CR1: variants seen among roughly 807,000 people sequenced by gnomAD.
The protein encoded by CR1 is complement receptor type 1.
Under a neutral mutation model 187.3 loss-of-function variants are expected in CR1, and 116 were observed. The observed-to-expected ratio is 0.62, with a 90% CI of 0.53 to 0.72. The LOEUF is 0.72. Ranked by LOEUF, CR1 falls within the 30% of genes least tolerant of loss-of-function variation. The probability of loss-of-function intolerance (pLI) is 0.00; values close to 1 mark genes in which losing one functional copy is unlikely to be tolerated. For missense variants in CR1, 1,731 were observed against 2,110.7 expected, an observed-to-expected ratio of 0.82 and a Z score of 3.52; for synonymous variants, 576 against 747.1, an observed-to-expected ratio of 0.77 and a Z score of 3.73.
chr1:207,634,756 CT>C (rs1434953271), intron 46 of CR1, among the ~76,000 whole-genome samples: 1 of 152,210 alleles, frequency 6.6e-6, no homozygotes, highest in African/African-American at 2.4e-5. Flanking sequence ...GCAGCTCATT[CT>C]TAACTGTAAG....
In CR1 at chr1:207,598,911, T is replaced by A. The variant is rs936731686; in HGVS notation, c.5811-8340T>A. The A allele has an allele frequency of 3.3e-5, 5 of 152,166 alleles. No individual in the cohort carries two copies. The East Asian group carries it at 9.7e-4, about 29-fold the overall frequency. The allele number at this position is 152,166 out of a possible 1,614,324, so 9.4% of individuals were successfully genotyped here. A position where few individuals can be genotyped will look rare whatever the true frequency, so the allele number is the denominator to read the frequency against. On this transcript the variant is annotated intron_variant, in intron 35 of 46. Coordinates refer to ENST00000367049, the MANE Select transcript of CR1 (RefSeq NM_000651.6). ...TGACCAAATACACAGCATCTTGGAGTTGGCCAGCATTAACTTGGATCATCT... is the reference window on the plus strand; with the variant it reads ...TGACCAAATACACAGCATCTTGGAGATGGCCAGCATTAACTTGGATCATCT...
chr1:207,509,648 A>G (rs1251423808), intron 3 of CR1, among the ~76,000 whole-genome samples: 2 of 152,202 alleles, frequency 1.3e-5, no homozygotes, highest in South Asian at 2.1e-4. Flanking sequence ...AAAAATGCCA[A>G]CTTAAGTTTG....
chr1:207,581,125 C>T (rs1042311412), intron 31 of CR1, among the ~76,000 whole-genome samples: 13 of 151,330 alleles, frequency 8.6e-5, no homozygotes, highest in African/African-American at 2.4e-4. Flanking sequence ...TGTATACATA[C>T]GTATACATAT....
At chr1:207,579,948 C>T (rs1660883728) in intron 29 of CR1, among the ~76,000 whole-genome samples, 1 of 152,198 alleles carries the variant, frequency 6.6e-6, no homozygotes, top group Non-Finnish European at 1.5e-5. Flanking sequence ...ATCTGTAAAA[C>T]AGATTTGGTC....
intron 1 of CR1, among the ~76,000 whole-genome samples, chr1:207,501,302 C>T (rs570440070): frequency 1.3e-5 from 2 of 152,252 alleles, no homozygotes; most frequent in Admixed American, 6.5e-5. Context: ...ATGATGGAAA[C>T]GTTTATTGTC....
intron 5 of CR1, 32 bp downstream of exon 5, chr1:207,524,041 C>T (rs1208701736): frequency 2.5e-6 from 4 of 1,611,676 alleles, no homozygotes; most frequent in Non-Finnish European, 2.5e-6. Flanking sequence ...AAGGGCCCTG[C>T]CAGTGACATG....
intron 3 of CR1, chr1:207,507,675 G>A (rs950770323): frequency 7.2e-5 from 11 of 152,166 alleles, no homozygotes; most frequent in African/African-American, 1.4e-4. Flanking sequence ...TTGCTGGTAG[G>A]AATGCAAAAT....
chr1:207,579,672 G>C (rs1042929511), intron 29 of CR1, among the ~76,000 whole-genome samples: 2 of 152,132 alleles, frequency 1.3e-5, no homozygotes, highest in Non-Finnish European at 2.9e-5. Flanking sequence ...AACTGAAATG[G>C]GTTTACAGCA....
In CR1 at chr1:207,505,962, A is replaced by C. The variant is rs4844600; in HGVS notation, c.180A>C (p.Glu60Asp). ...PFARPTNLTDEFEFPIGTYLN... is the reference protein window; with the variant it reads ...PFARPTNLTDDFEFPIGTYLN... ...CCAGGCCTACCAACCTAACTGATGA[A>C]TTTGAGTTTCCCATTGGGACATATC... Residue 60 changes from glutamate to aspartate, a missense_variant, in exon 2 of 47, where the codon GAA becomes GAC. This residue lies in a region of CR1 where 237 missense variants were observed against 240.4 expected (regional missense o/e 0.99). Coordinates refer to ENST00000367049, the MANE Select transcript of CR1 (RefSeq NM_000651.6). The C allele has an allele frequency of 6.3e-5, 102 of 1,613,772 alleles. No individual in the cohort carries two copies. Among genetic ancestry groups the C allele is most frequent in the African/African-American group, 1.9e-4 (14 of 74,920 alleles).
Position 207,565,906 on chromosome 1 carries a change from G to A in CR1, c.3935G>A (p.Ser1312Asn), listed in dbSNP as rs761027851. ...GGAATGGAAAGCCTTTGGAATAGCA[G>A]TGTTCCAGTGTGTGAACGTGAGTAA... ...LAGMESLWNSSVPVCEQIFCP... is the reference protein window; with the variant it reads ...LAGMESLWNSNVPVCEQIFCP... The change falls in exon 24 of 47, where the codon AGT becomes AAT. Residue 1312 changes from serine to asparagine, a missense_variant. By Grantham distance (46) the Ser-to-Asn change is conservative. Coordinates refer to ENST00000367049, the MANE Select transcript of CR1 (RefSeq NM_000651.6). 2 of 1,611,132 alleles carry A rather than the reference G, an allele frequency of 1.2e-6. No homozygotes were observed. The highest frequency in any genetic ancestry group is 1.1e-5 in the South Asian group (1 of 91,048).
chr1:207,582,006 G>C lies in CR1; in HGVS notation c.5302+3G>C. The C allele has an allele frequency of 6.3e-7, 1 of 1,599,146 alleles. No homozygotes were observed. The highest frequency in any genetic ancestry group is 1.3e-5 in the African/African-American group (1 of 74,644). ...TAACAGTGTTCCTGTGTGTGAACGT[G>C]AGTAGATGGAATACTTGTTCAGTCT... is the stretch of plus-strand genomic sequence containing the variant. On this transcript the variant is annotated splice_donor_region_variant and intron_variant, in intron 32 of 46. Transcript: ENST00000367049.
In CR1 at chr1:207,496,187, C is replaced by A; in HGVS notation, c.-81C>A. 1 of 1,609,470 alleles carries A rather than the reference C, an allele frequency of 6.2e-7. No individual in the cohort carries two copies. The highest frequency in any genetic ancestry group is 1.1e-5 in the South Asian group (1 of 90,346). ...CTGGGCGCGGAGCACAATGATTGGTCACTCCTATTTTCGCTGAGCTTTTCC... is the reference window on the plus strand; with the variant it reads ...CTGGGCGCGGAGCACAATGATTGGTAACTCCTATTTTCGCTGAGCTTTTCC... On this transcript the variant is annotated 5_prime_UTR_variant, in exon 1 of 47. Coordinates refer to ENST00000367049, the MANE Select transcript of CR1 (RefSeq NM_000651.6).
intron 34 of CR1, among the ~76,000 whole-genome samples, chr1:207,587,986 G>A (rs1186969807): frequency 1.3e-5 from 2 of 152,202 alleles, no homozygotes; most frequent in Non-Finnish European, 2.9e-5. Flanking sequence ...ACCATTAAAT[G>A]AATGAAACAG....
intron 41 of CR1, 84 bp from the exon 42 acceptor site, chr1:207,617,987 G>T: frequency 2.1e-6 from 3 of 1,441,426 alleles, no homozygotes; most frequent in South Asian, 2.8e-5. Flanking sequence ...CTAATAGCCA[G>T]AGATATTGGA....
At chr1:207,510,162 G>A (rs1049523166) in intron 3 of CR1, among the ~76,000 whole-genome samples, 5 of 151,952 alleles carry the variant, frequency 3.3e-5, no homozygotes, top group African/African-American at 7.3e-5. Flanking sequence ...AGCCAAGATC[G>A]CACCATTGCA....
At chr1:207,512,832 C>A (rs1386147291) in intron 4 of CR1, among the ~76,000 whole-genome samples, 1 of 152,086 alleles carries the variant, frequency 6.6e-6, no homozygotes, top group Non-Finnish European at 1.5e-5. Context: ...TAATAATACA[C>A]CTATACCTGT....
chr1:207,526,178 C>T (rs535883335), intron 5 of CR1, among the ~76,000 whole-genome samples: 1 of 152,020 alleles, frequency 6.6e-6, no homozygotes, highest in African/African-American at 2.4e-5. Context: ...TAGGCAGCAC[C>T]TTGCTACATA....
At chr1:207,581,651 A>T (rs1472305325) in intron 31 of CR1, among the ~76,000 whole-genome samples, 4 of 152,128 alleles carry the variant, frequency 2.6e-5, no homozygotes, top group African/African-American at 9.7e-5. Context: ...AGTAAGTAGA[A>T]ATATTCTAAA....
At chr1:207,520,432 A>G (rs1480348640) in intron 4 of CR1, among the ~76,000 whole-genome samples, 6 of 152,190 alleles carry the variant, frequency 3.9e-5, no homozygotes, top group Non-Finnish European at 7.3e-5. Flanking sequence ...AGAACTCCCC[A>G]TGGGAGATAC....
Sources: allele counts gnomAD v4.1 joint callset (sites outside exome capture counted in the v4.1 genomes callset), GRCh38; gene constraint gnomAD v4.1.1; regional missense constraint gnomAD v4.1.1; transcripts MANE v1.5; gene names NCBI Gene and HGNC (gene_info 2026-07-23, HGNC 2026-07-21).